The following DNMT3B variants were observed in gnomAD, a reference collection of about 807,000 sequenced individuals.
DNMT3B encodes DNA methyltransferase 3 beta, also known as DNA (cytosine-5)-methyltransferase 3B.
Under a neutral mutation model 120.2 loss-of-function variants are expected in DNMT3B, and 37 were observed. The observed-to-expected ratio is 0.31, with a 90% CI of 0.24 to 0.40. The LOEUF is 0.40. DNMT3B is among the 10% of genes least tolerant of loss of function. DNMT3B has a pLI of 1.00. For missense variants in DNMT3B, 878 were observed against 1,137.3 expected (o/e 0.77, Z 3.28); for synonymous variants, 412 against 442.8 (o/e 0.93, Z 0.87).
intron 4 of DNMT3B, 29 bp from the exon 5 acceptor site, chr20:32,786,473 G>A (rs890236607): frequency 6.2e-7 from 1 of 1,613,744 alleles, no homozygotes; most frequent in South Asian, 1.1e-5. Flanking sequence ...GTCACCTAAG[G>A]CCCAGTGAGT....
chr20:32,765,750 C>CTTTTTTTTTTTTTT (rs1208508674), intron 1 of DNMT3B, among the ~76,000 whole-genome samples: 2 of 108,440 alleles, frequency 1.8e-5, no homozygotes, highest in Admixed American at 9.5e-5. Flanking sequence ...TTTATTTTTT[C>CTTTTTTTTTTTTTT]TTTTTTTCTT....
chr20:32,793,882 T>G (rs1426973708), intron 10 of DNMT3B, among the ~76,000 whole-genome samples: 1 of 152,158 alleles, frequency 6.6e-6, no homozygotes, highest in Non-Finnish European at 1.5e-5. Context: ...AAAGGGTCCT[T>G]AAGATTTTTA....
intron 8 of DNMT3B, 103 bp from the exon 9 acceptor site, chr20:32,792,523 A>G (rs1980094431): frequency 2.5e-6 from 4 of 1,593,212 alleles, no homozygotes; most frequent in Non-Finnish European, 3.4e-6. Context: ...GAAAGGGCCC[A>G]GTGTGAAGGG....
chr20:32,774,667 ATCC>A (rs1054391083), intron 1 of DNMT3B, among the ~76,000 whole-genome samples: 5 of 150,704 alleles, frequency 3.3e-5, no homozygotes, highest in African/African-American at 9.8e-5. Context: ...GCTCCTTCCC[ATCC>A]TCCCGTCTTT....
chr20:32,790,392 G>A (rs1979836588), intron 7 of DNMT3B, among the ~76,000 whole-genome samples: 1 of 152,166 alleles, frequency 6.6e-6, no homozygotes, highest in African/African-American at 2.4e-5. Flanking sequence ...ATGCAGTGTG[G>A]GGCTGTCAGC....
chr20:32,769,063 G>T (rs1016797944), intron 1 of DNMT3B, among the ~76,000 whole-genome samples: 5 of 152,188 alleles, frequency 3.3e-5, no homozygotes, highest in Admixed American at 2.0e-4. Context: ...GCAAGGAGTA[G>T]AACTGCATTA....
chr20:32,796,535 CT>C, intron 12 of DNMT3B, among the ~76,000 whole-genome samples: 1 of 152,204 alleles, frequency 6.6e-6, no homozygotes, highest in South Asian at 2.1e-4. Flanking sequence ...GGAGGTCCCC[CT>C]GCTCAGCGTT....
At chr20:32,797,802 A>T (rs1231168748) in intron 14 of DNMT3B, among the ~76,000 whole-genome samples, 1 of 152,014 alleles carries the variant, frequency 6.6e-6, no homozygotes, top group African/African-American at 2.4e-5. Context: ...TGGAATTATA[A>T]GTGCGGAGCA....
At chr20:32,781,065 GT>G (rs1243153297) in intron 2 of DNMT3B, among the ~76,000 whole-genome samples, 1 of 152,252 alleles carries the variant, frequency 6.6e-6, no homozygotes, top group African/African-American at 2.4e-5. Context: ...GTAGTTAGTG[GT>G]CCCTGGATGG....
Position 32,788,898 on chromosome 20 carries a change from C to A in DNMT3B, c.699C>A (p.Ile233=). Residue 233 remains isoleucine (I), a synonymous_variant, in exon 7 of 23, where the codon ATC becomes ATA. Coordinates refer to ENST00000328111, the MANE Select transcript of DNMT3B (RefSeq NM_006892.4). ...FGIGDLVWGK[I]KGFSWWPAMV... is the part of the protein sequence containing the mutation. Reference sequence around the variant, plus strand: ...TAGGGGACCTCGTGTGGGGAAAGATCAAGGGCTTCTCCTGGTGGCCCGCCA... The same window carrying A: ...TAGGGGACCTCGTGTGGGGAAAGATAAAGGGCTTCTCCTGGTGGCCCGCCA... 6.2e-7 allele frequency: 1 copy of A among 1,613,450 alleles called. No individual in the cohort carries two copies. Among genetic ancestry groups the A allele is most frequent in the Non-Finnish European group, 8.5e-7 (1 of 1,179,894 alleles).
chr20:32,792,760 C>A lies in DNMT3B; in HGVS notation c.1056C>A (p.Asn352Lys), dbSNP rs1980129917. ...PTGIEGLKPNNTQPVVNKSKV... is the reference protein window; with the variant it reads ...PTGIEGLKPNKTQPVVNKSKV... ...GGATCGAGGGCCTCAAACCCAACAACACGCAACCAGGTGGGAATGAGTCCC... is the reference window on the plus strand; with the variant it reads ...GGATCGAGGGCCTCAAACCCAACAAAACGCAACCAGGTGGGAATGAGTCCC... Residue 352 changes from asparagine to lysine, a missense_variant, in exon 9 of 23, where the codon AAC becomes AAA. This residue lies in a region of DNMT3B where 207 missense variants were observed against 222.6 expected (regional missense o/e 0.93). Transcript: ENST00000328111. 1 of 1,614,166 alleles carries A rather than the reference C, an allele frequency of 6.2e-7. No homozygotes were observed. Among genetic ancestry groups the A allele is most frequent in the Non-Finnish European group, 8.5e-7 (1 of 1,179,998 alleles).
At chr20:32,774,026 G>A (rs1201511517) in intron 1 of DNMT3B, among the ~76,000 whole-genome samples, 1 of 126,226 alleles carries the variant, frequency 7.9e-6, no homozygotes, top group Non-Finnish European at 1.6e-5. Flanking sequence ...CAGAGCAAAA[G>A]CACAGTACTG....
In DNMT3B at chr20:32,801,391, G is replaced by A. The variant is rs776675936; in HGVS notation, c.2110G>A (p.Val704Ile). The A allele has an allele frequency of 6.2e-7, 1 of 1,614,172 alleles. No individual in the cohort carries two copies. Among genetic ancestry groups the A allele is most frequent in the Admixed American group, 1.7e-5 (1 of 60,010 alleles). Residue 704 changes from valine to isoleucine, a missense_variant, in exon 19 of 23, where the codon GTT (valine) becomes ATT (isoleucine). Transcript: ENST00000328111. ...WMFENVVAMK[V>I]GDKRDISRFL... The stretch of plus-strand genomic sequence containing the variant: ...GTTTGAGAATGTTGTAGCCATGAAG[G>A]TTGGCGACAAGAGGGACATCTCACG...
chr20:32,772,686 A>C (rs1482198648), intron 1 of DNMT3B, among the ~76,000 whole-genome samples: 1 of 152,060 alleles, frequency 6.6e-6, no homozygotes, highest in East Asian at 1.9e-4. Context: ...AAGGGCAAAA[A>C]GTTTAGACTC....
chr20:32,780,598 C>T, intron 2 of DNMT3B, 133 bp downstream of exon 2: 1 of 1,419,302 alleles, frequency 7.0e-7, no homozygotes, highest in Non-Finnish European at 9.5e-7. Flanking sequence ...AGAGCTCTAG[C>T]AAGGAGGGAT....
In DNMT3B at chr20:32,792,489, A is replaced by G. The variant is rs545000116; in HGVS notation, c.922-137A>G. 33 of 1,449,272 alleles carry G rather than the reference A, an allele frequency of 2.3e-5. 1 individual carries two copies. Among genetic ancestry groups the G allele is most frequent in the African/African-American group, 4.2e-5 (3 of 71,682 alleles). The allele number at this position is 1,449,272 out of a possible 1,614,324, so 89.8% of individuals were successfully genotyped here. ...CCCTCCTTCCTCTGTCACATACCACAGCCCAGGACAGCTGTCTGGCTATGA... is the reference window on the plus strand; with the variant it reads ...CCCTCCTTCCTCTGTCACATACCACGGCCCAGGACAGCTGTCTGGCTATGA... On this transcript the variant is annotated intron_variant, in intron 8 of 22. Transcript: ENST00000328111.
Position 32,795,480 on chromosome 20 carries a change from A to G in DNMT3B, c.1198A>G (p.Lys400Glu). 1 of 1,614,198 alleles carries G rather than the reference A, an allele frequency of 6.2e-7. No homozygotes were observed. The highest frequency in any genetic ancestry group is 8.5e-7 in the Non-Finnish European group (1 of 1,180,038). The change falls in exon 11 of 23, where the codon AAG becomes GAG. Residue 400 changes from lysine (K) to glutamate (E), a missense_variant. Physicochemically the swap from Lys to Glu is moderately conservative, Grantham distance 56 (BLOSUM62 1). Coordinates refer to ENST00000328111, the MANE Select transcript of DNMT3B (RefSeq NM_006892.4). ...CTACTGCCCCGCACCCAAGCGCCTC[A>G]AGACAAATTGCTATAACAACGGCAA... ...SDYCPAPKRL[K>E]TNCYNNGKDR...
chr20:32,774,958 GTGATCAACCC>G (rs1987995217), intron 1 of DNMT3B, among the ~76,000 whole-genome samples: 1 of 152,022 alleles, frequency 6.6e-6, no homozygotes, highest in African/African-American at 2.4e-5. Flanking sequence ...CTGGCCTCAA[GTGATCAACCC>G]GCTTCAGCCT....
At chr20:32,800,087 G>A (rs1293642076) in intron 16 of DNMT3B, 66 bp from the exon 17 acceptor site, 1 of 1,604,612 alleles carries the variant, frequency 6.2e-7, no homozygotes, top group Non-Finnish European at 8.5e-7. Flanking sequence ...ATAGCAGGGA[G>A]TGGAGGAAAT....
Sources: gnomAD v4.1 joint callset for allele counts (sites outside exome capture counted in the v4.1 genomes callset) on GRCh38, gnomAD v4.1.1 for gene constraint, gnomAD v4.1.1 regional missense constraint, MANE v1.5 for transcripts, NCBI Gene and HGNC (gene_info 2026-07-23, HGNC 2026-07-21) for gene names.